Variants in CTNNA2 observed in about 807,000 individuals in gnomAD.
The protein encoded by CTNNA2 is catenin alpha 2.
In CTNNA2, 42 loss-of-function variants were observed where a neutral mutation model predicts 101.0. The ratio of observed to expected loss-of-function variants is 0.42; its 90% CI spans 0.32 to 0.54. CTNNA2 has a LOEUF of 0.54. CTNNA2 is among the 20% of genes least tolerant of loss of function. The pLI is 0.14. For synonymous variants in CTNNA2, 450 were observed against 456.4 expected, an observed-to-expected ratio of 0.99 and a Z score of 0.18; for missense variants, 871 against 1,223.1, an observed-to-expected ratio of 0.71 and a Z score of 4.29.
At chr2:80,139,863 G>A (rs1702902001) in intron 7 of CTNNA2, among the ~76,000 whole-genome samples, 1 of 152,078 alleles carries the variant, frequency 6.6e-6, no homozygotes, top group Non-Finnish European at 1.5e-5. Context: ...TTGCTCTTGG[G>A]TGTTCTGCAA....
intron 9 of CTNNA2, among the ~76,000 whole-genome samples, chr2:80,496,368 T>C (rs375958441): frequency 6.6e-6 from 1 of 151,436 alleles, no homozygotes; most frequent in East Asian, 2.0e-4. Flanking sequence ...TACAAGGCAC[T>C]AATTAAGTAT....
At chr2:79,956,843 GTT>G (rs66471325) in intron 7 of CTNNA2, among the ~76,000 whole-genome samples, 459 of 98,848 alleles carry the variant, frequency 4.6e-3, no homozygotes, top group African/African-American at 0.018. Flanking sequence ...ATACGTGTGG[GTT>G]TTTTTTTTTT....
At chr2:80,530,569 G>C (rs1436257570) in intron 9 of CTNNA2, among the ~76,000 whole-genome samples, 2 of 152,202 alleles carry the variant, frequency 1.3e-5, no homozygotes, top group Admixed American at 6.5e-5. Context: ...TTCATAAGTG[G>C]TATTAAGCAG....
intron 7 of CTNNA2, among the ~76,000 whole-genome samples, chr2:80,120,390 T>C (rs1490022320): frequency 1.3e-5 from 2 of 152,210 alleles, no homozygotes; most frequent in Non-Finnish European, 2.9e-5. Context: ...CGGGATACCC[T>C]GTGGTCTAAC....
At chr2:80,390,394 C>T (rs1559069595) in intron 7 of CTNNA2, among the ~76,000 whole-genome samples, 1 of 152,150 alleles carries the variant, frequency 6.6e-6, no homozygotes, top group African/African-American at 2.4e-5. Flanking sequence ...ATGTGTTCCC[C>T]ACAGGGACCA....
At chr2:80,041,647 C>T (rs1198373617) in intron 7 of CTNNA2, among the ~76,000 whole-genome samples, 3 of 151,968 alleles carry the variant, frequency 2.0e-5, no homozygotes, top group Non-Finnish European at 4.4e-5. Context: ...TTCCTGTCTT[C>T]GAAGAGGAAT....
intron 5 of CTNNA2, among the ~76,000 whole-genome samples, chr2:79,870,660 A>G (rs554273610): frequency 6.6e-6 from 1 of 152,130 alleles, no homozygotes; most frequent in Non-Finnish European, 1.5e-5. Flanking sequence ...ACAGTTCCAC[A>G]TGGGTGGGGA....
intron 7 of CTNNA2, among the ~76,000 whole-genome samples, chr2:79,944,179 G>T (rs1301377713): frequency 6.6e-6 from 1 of 152,092 alleles, no homozygotes; most frequent in East Asian, 1.9e-4. Context: ...TAGGTACTGG[G>T]GGATGGGAGG....
At chr2:79,629,667 G>C (rs969017638) in intron 1 of CTNNA2, among the ~76,000 whole-genome samples, 15 of 152,156 alleles carry the variant, frequency 9.9e-5, no homozygotes, top group African/African-American at 3.6e-4. Flanking sequence ...AAGGAAGAGT[G>C]GGAGCCAGGT....
intron 17 of CTNNA2, among the ~76,000 whole-genome samples, chr2:80,609,355 A>G (rs1349480356): frequency 6.6e-6 from 1 of 151,760 alleles, no homozygotes; most frequent in Non-Finnish European, 1.5e-5. Context: ...AGTTGCAGAA[A>G]ACATAGCTGG....
At chr2:79,405,595 G>T (rs1003676982) in intron 4 of CTNNA2, among the ~76,000 whole-genome samples, 1 of 151,974 alleles carries the variant, frequency 6.6e-6, no homozygotes, top group Admixed American at 6.6e-5. Context: ...CAAAGTGCTG[G>T]GATTACAGGT....
rs781414965 is a variant in CTNNA2 at position 79,187,270 on chromosome 2, C to CTTTTTTTTTTTTTTTTTTTTTTT, written c.-524+1856_-524+1857insTTTTTTTTTTTTTTTTTTTTTTT. Among the ~76,000 whole-genome samples the CTTTTTTTTTTTTTTTTTTTTTTT allele has an allele frequency of 7.0e-4, 46 of 65,436 alleles. 3 individuals carry two copies. The highest frequency in any genetic ancestry group is 8.7e-4 in the Non-Finnish European group (31 of 35,630). 42.9% of individuals were successfully genotyped at this position (65,436 alleles called of 152,430 possible). ...CTTTTCTTTTCTTTTCTTTTCTTTT[C>CTTTTTTTTTTTTTTTTTTTTTTT]TTTTTTTTTTTTTTTTTGAGACAGA... On this transcript the variant is annotated intron_variant, in intron 1 of 21. Transcript: ENST00000466387.
chr2:79,347,963 A>G (rs1677299756), intron 3 of CTNNA2, among the ~76,000 whole-genome samples: 1 of 152,100 alleles, frequency 6.6e-6, no homozygotes, highest in South Asian at 2.1e-4. Flanking sequence ...ACCCCATTTA[A>G]TAAATCAGGA....
intron 11 of CTNNA2, among the ~76,000 whole-genome samples, chr2:80,552,465 A>G (rs1008004279): frequency 3.3e-5 from 5 of 152,224 alleles, no homozygotes; most frequent in East Asian, 1.9e-4. Context: ...ATCCATCAAT[A>G]TAACTACTAT....
chr2:79,673,390 A>G (rs1175823243), intron 2 of CTNNA2, among the ~76,000 whole-genome samples: 1 of 152,148 alleles, frequency 6.6e-6, no homozygotes, highest in African/African-American at 2.4e-5. Context: ...TATAAACTTG[A>G]ATTTCCATAT....
At chr2:79,467,335 A>G (rs1365121134) in intron 4 of CTNNA2, among the ~76,000 whole-genome samples, 1 of 152,166 alleles carries the variant, frequency 6.6e-6, no homozygotes, top group East Asian at 1.9e-4. Flanking sequence ...GAAAAAAGAG[A>G]AAAAAGAAAG....
intron 7 of CTNNA2, among the ~76,000 whole-genome samples, chr2:79,930,282 G>A (rs932783066): frequency 0.015 from 1,236 of 84,524 alleles, 9 homozygotes; most frequent in Non-Finnish European, 0.022. Context: ...AAGAAAGAGA[G>A]AGAGAGAGAA....
chr2:79,487,623 A>T (rs1671170387), intron 4 of CTNNA2, among the ~76,000 whole-genome samples: 1 of 152,190 alleles, frequency 6.6e-6, no homozygotes, highest in African/African-American at 2.4e-5. Context: ...TCAGCATTCC[A>T]GCTGAGCTCT....
At chr2:79,859,825 G>A (rs776992049) in intron 4 of CTNNA2, among the ~76,000 whole-genome samples, 33 of 152,006 alleles carry the variant, frequency 2.2e-4, no homozygotes, top group Non-Finnish European at 4.0e-4. Flanking sequence ...TCTTGGTTTG[G>A]TATCTACTTG....
Sources: gnomAD v4.1 joint callset for allele counts (sites outside exome capture counted in the v4.1 genomes callset) on GRCh38, gnomAD v4.1.1 for gene constraint, MANE v1.5 for transcripts, NCBI Gene and HGNC (gene_info 2026-07-23, HGNC 2026-07-21) for gene names.